The following RANBP2 variants were observed in gnomAD, a reference collection of about 807,000 sequenced individuals.
RANBP2 encodes the protein RAN binding protein 2, also known as E3 SUMO-protein ligase RanBP2.
RANBP2 carries 57 observed loss-of-function variants against 303.6 expected under a neutral mutation model. The ratio of observed to expected loss-of-function variants is 0.19; its 90% confidence interval spans 0.15 to 0.23. The LOEUF is 0.23. Among genes scored for constraint, RANBP2 ranks in the 10% least tolerant of loss-of-function variants. The probability of loss-of-function intolerance (pLI) is 1.00; values close to 1 mark genes in which losing one functional copy is unlikely to be tolerated. For synonymous variants in RANBP2, 1,167 were observed against 1,301.5 expected (o/e 0.90, Z 2.23); for missense variants, 3,138 against 3,780.8 (o/e 0.83, Z 4.46).
the RANBP2 span, among the ~76,000 whole-genome samples, chr2:109,517,053 T>C: frequency 2.0e-5 from 3 of 152,268 alleles, no homozygotes; most frequent in South Asian, 6.2e-4. Context: ...CCCTGCAAAC[T>C]GCCTTCCAGG....
At chr2:109,478,337 T>C in the RANBP2 span, among the ~76,000 whole-genome samples, 1 of 152,346 alleles carries the variant, frequency 6.6e-6, no homozygotes, top group African/African-American at 2.4e-5. Context: ...AAATGTGTCC[T>C]TTGAGTAAAA....
chr2:109,129,468 G>A, the RANBP2 span: 1 of 1,494,568 alleles, frequency 6.7e-7, no homozygotes, highest in Non-Finnish European at 8.9e-7. Context: ...CCTGATGCTG[G>A]CTGCCGGTGG....
chr2:109,326,916 T>C, the RANBP2 span, among the ~76,000 whole-genome samples: 2 of 152,232 alleles, frequency 1.3e-5, no homozygotes, highest in Admixed American at 6.5e-5. Context: ...GCACGCTGGC[T>C]CTACCATTCG....
At chr2:109,655,072 T>G in the RANBP2 span, among the ~76,000 whole-genome samples, 1 of 151,944 alleles carries the variant, frequency 6.6e-6, no homozygotes, top group Non-Finnish European at 1.5e-5. Context: ...CCGGCTAATT[T>G]TTGTATTTTT....
the RANBP2 span, among the ~76,000 whole-genome samples, chr2:109,009,617 C>A: frequency 1.3e-5 from 2 of 151,930 alleles, no homozygotes; most frequent in Middle Eastern, 3.2e-3. Context: ...CCTCCAACTC[C>A]AGGGCTCAAG....
the RANBP2 span, chr2:108,897,114 G>T: frequency 6.2e-7 from 1 of 1,614,090 alleles, no homozygotes; most frequent in African/African-American, 1.3e-5. Context: ...TCAGGCCGAA[G>T]CTCTCGGCGA....
At chr2:108,880,819 A>G in the RANBP2 span, among the ~76,000 whole-genome samples, 4 of 152,218 alleles carry the variant, frequency 2.6e-5, no homozygotes, top group Non-Finnish European at 4.4e-5. Context: ...GAGCTCTACC[A>G]TGGACATGTA....
At chr2:109,611,624 G>C in the RANBP2 span, among the ~76,000 whole-genome samples, 4 of 151,574 alleles carry the variant, frequency 2.6e-5, no homozygotes, top group Non-Finnish European at 5.9e-5. Flanking sequence ...GCCGGCTGTG[G>C]TGGTGCACAC....
chr2:109,502,043 C>T, the RANBP2 span: 12 of 207,980 alleles, frequency 5.8e-5, no homozygotes, highest in East Asian at 7.5e-4. Context: ...GGTCTGCAGG[C>T]GAGGTGGGTG....
chr2:109,459,414 G>A, the RANBP2 span, among the ~76,000 whole-genome samples: 5 of 152,128 alleles, frequency 3.3e-5, no homozygotes, highest in African/African-American at 4.8e-5. Context: ...CCCTTACCTG[G>A]TGGGGTGATC....
At chr2:108,902,679 A>C in the RANBP2 span, among the ~76,000 whole-genome samples, 1 of 152,202 alleles carries the variant, frequency 6.6e-6, no homozygotes, top group Admixed American at 6.5e-5. Flanking sequence ...AAAGAATTGT[A>C]CCACATCAGG....
At chr2:109,156,071 C>T in the RANBP2 span, among the ~76,000 whole-genome samples, 5 of 152,200 alleles carry the variant, frequency 3.3e-5, no homozygotes, top group African/African-American at 1.2e-4. Context: ...GAAGCTGGGT[C>T]CTCTCCTCTT....
the RANBP2 span, among the ~76,000 whole-genome samples, chr2:109,021,265 T>C: frequency 6.6e-6 from 1 of 152,136 alleles, no homozygotes; most frequent in Admixed American, 6.6e-5. Flanking sequence ...GGCTCACGCC[T>C]GTAATCCCAG....
the RANBP2 span, among the ~76,000 whole-genome samples, chr2:109,258,550 C>T: frequency 6.6e-6 from 1 of 152,138 alleles, no homozygotes; most frequent in East Asian, 1.9e-4. Flanking sequence ...GTGGTGCCAC[C>T]AATCCTTGTC....
the RANBP2 span, among the ~76,000 whole-genome samples, chr2:109,498,894 A>G: frequency 2.0e-5 from 3 of 152,192 alleles, 1 homozygote; most frequent in African/African-American, 7.2e-5. Flanking sequence ...AGGGAGCAGC[A>G]TATGGAGGAG....
At chr2:109,611,368 A>G in the RANBP2 span, among the ~76,000 whole-genome samples, 3 of 152,224 alleles carry the variant, frequency 2.0e-5, no homozygotes, top group African/African-American at 7.2e-5. Flanking sequence ...TTTGCAAAAG[A>G]CCCTGTTAGA....
At chr2:109,062,415 G>A in the RANBP2 span, among the ~76,000 whole-genome samples, 1 of 152,234 alleles carries the variant, frequency 6.6e-6, no homozygotes, top group African/African-American at 2.4e-5. Context: ...CATTGGAGGG[G>A]CCTCTTCCAC....
At chr2:109,236,923 A>G in the RANBP2 span, among the ~76,000 whole-genome samples, 2 of 152,234 alleles carry the variant, frequency 1.3e-5, no homozygotes, top group African/African-American at 2.4e-5. Context: ...GTTCTAGGGC[A>G]GGGAGAGGCA....
chr2:109,737,386 C>G, the RANBP2 span: 2 of 662,542 alleles, frequency 3.0e-6, no homozygotes, highest in Non-Finnish European at 5.4e-6. Flanking sequence ...CACTTTGATC[C>G]TTTCTTGCAA....
Sources: allele counts gnomAD v4.1 joint callset (sites outside exome capture counted in the v4.1 genomes callset), GRCh38; gene constraint gnomAD v4.1.1; transcripts MANE v1.5; gene names NCBI Gene and HGNC (gene_info 2026-07-23, HGNC 2026-07-21).